The following ITPR2 variants were observed in gnomAD, a reference collection of about 807,000 sequenced individuals.
The protein encoded by ITPR2 is inositol 1,4,5-trisphosphate-gated calcium channel ITPR2.
Under a neutral mutation model 317.1 loss-of-function variants are expected in ITPR2, and 207 were observed. The ratio of observed to expected loss-of-function variants is 0.65; its 90% CI spans 0.58 to 0.73. The LOEUF (loss-of-function observed/expected upper bound fraction) is 0.73, where lower values mean the gene tolerates loss of function less well. ITPR2 is among the 30% of genes least tolerant of loss of function. The pLI, the probability that ITPR2 is intolerant of heterozygous loss-of-function variation, is 0.00. For missense variants in ITPR2, 2,613 were observed against 3,284.0 expected, an observed-to-expected ratio of 0.80 and a Z score of 4.99; for synonymous variants, 1,156 against 1,149.1, an observed-to-expected ratio of 1.01 and a Z score of -0.12.
chr12:26,650,525 T>C (rs1408576864), intron 21 of ITPR2, among the ~76,000 whole-genome samples: 2 of 152,120 alleles, frequency 1.3e-5, no homozygotes, highest in African/African-American at 4.8e-5. Context: ...ATGGGGACGC[T>C]ATGCATGTTG....
intron 22 of ITPR2, among the ~76,000 whole-genome samples, chr12:26,630,403 T>A (rs1411266287): frequency 9.7e-5 from 12 of 124,308 alleles, no homozygotes; most frequent in South Asian, 2.6e-4. Flanking sequence ...GAGAGAGAAA[T>A]GAAAAGAGAG....
chr12:26,705,822 A>T (rs1398354386), intron 9 of ITPR2, among the ~76,000 whole-genome samples: 1 of 152,194 alleles, frequency 6.6e-6, no homozygotes, highest in Non-Finnish European at 1.5e-5. Flanking sequence ...ACCATTACTG[A>T]AGCCTCTCCC....
Position 26,833,078 on chromosome 12 carries a change from G to T in ITPR2, c.-297C>A, listed in dbSNP as rs61747530. The T allele has an allele frequency of 0.082, 31,679 of 386,232 alleles. 1,646 individuals carry two copies. The highest frequency in any genetic ancestry group is 0.11 in the Admixed American group (2,148 of 19,044). 23.9% of individuals were successfully genotyped at this position (386,232 alleles called of 1,614,324 possible). On this transcript the variant is annotated 5_prime_UTR_variant, in exon 1 of 57. Transcript: ENST00000381340. ...GGCAGGTTTCCTGTTCCTTTCTGAA[G>T]TTTTCTCTCCAACACCTTTGCTCCT...
intron 2 of ITPR2, among the ~76,000 whole-genome samples, chr12:26,731,900 C>T (rs1036714620): frequency 2.0e-5 from 3 of 152,114 alleles, no homozygotes; most frequent in Non-Finnish European, 2.9e-5. Context: ...AGGTTGTTTT[C>T]GTTTTTCAGT....
intron 13 of ITPR2, among the ~76,000 whole-genome samples, chr12:26,671,572 C>G (rs1002014428): frequency 2.0e-5 from 3 of 152,170 alleles, no homozygotes; most frequent in Non-Finnish European, 4.4e-5. Flanking sequence ...AAAGGAACAA[C>G]TGGTACCAGC....
chr12:26,469,708 C>A (rs116624165), intron 45 of ITPR2, among the ~76,000 whole-genome samples: 2 of 151,902 alleles, frequency 1.3e-5, no homozygotes, highest in Non-Finnish European at 2.9e-5. Context: ...TCTGGCACAG[C>A]GCTTGGCATC....
In ITPR2 at chr12:26,412,676, GA is replaced by G. The variant is rs893686375; in HGVS notation, c.7307-1265del. Among the ~76,000 whole-genome samples the G allele has an allele frequency of 5.9e-5, 9 of 152,084 alleles. No homozygotes were observed. In the South Asian group the frequency reaches 1.7e-3, roughly 28 times the overall value. On this transcript the variant is annotated intron_variant, in intron 51 of 56. Coordinates refer to ENST00000381340, the MANE Select transcript of ITPR2 (RefSeq NM_002223.4). ...AGGAAGAAGTGAATTCTAGGAGGGG[GA>G]AAAAAACCCAGAAAGCTTTTTGGAA...
In ITPR2 at chr12:26,725,611, G is replaced by A. The variant is rs986793178; in HGVS notation, c.279+39C>T. 3.0e-6 allele frequency: 4 copies of A among 1,344,232 alleles called. No homozygotes were observed. The African/African-American group carries it at 5.7e-5, about 19-fold the overall frequency. The allele number at this position is 1,344,232 out of a possible 1,614,324, so 83.3% of individuals were successfully genotyped here. On this transcript the variant is annotated intron_variant, in intron 3 of 56. Transcript: ENST00000381340. ...ATACATTTTTATTATTGCTGTACTT[G>A]GTTAGCCTAAGCCAGACAATTGGAA...
chr12:26,443,404 T>C (rs1178582324), intron 46 of ITPR2, 139 bp downstream of exon 46: 1 of 570,416 alleles, frequency 1.8e-6, no homozygotes, highest in East Asian at 3.1e-5. Context: ...TCCTCACTCA[T>C]CCTTTTACTA....
intron 13 of ITPR2, among the ~76,000 whole-genome samples, chr12:26,672,045 TA>T (rs1327162853): frequency 1.3e-5 from 2 of 152,062 alleles, no homozygotes; most frequent in African/African-American, 4.8e-5. Flanking sequence ...CCCAGATTCA[TA>T]AAGCAAGTCC....
chr12:26,762,550 C>A (rs976027062), intron 2 of ITPR2, among the ~76,000 whole-genome samples: 1 of 152,036 alleles, frequency 6.6e-6, no homozygotes, highest in African/African-American at 2.4e-5. Flanking sequence ...ATGAGACCTG[C>A]CTAACAAGAA....
intron 9 of ITPR2, among the ~76,000 whole-genome samples, chr12:26,699,725 CCAA>C (rs1348372400): frequency 1.3e-5 from 2 of 152,052 alleles, no homozygotes; most frequent in African/African-American, 4.8e-5. Flanking sequence ...TATAAATTTA[CCAA>C]CGTTAACTAT....
At chr12:26,378,644 T>C (rs1939415602) in intron 55 of ITPR2, among the ~76,000 whole-genome samples, 1 of 152,198 alleles carries the variant, frequency 6.6e-6, no homozygotes, top group Non-Finnish European at 1.5e-5. Context: ...TCCTTCTAGT[T>C]ATAGTGTGGT....
chr12:26,541,286 C>T (rs990954373), intron 37 of ITPR2, among the ~76,000 whole-genome samples: 11 of 152,018 alleles, frequency 7.2e-5, no homozygotes, highest in Admixed American at 5.9e-4. Context: ...CATTGCACTC[C>T]AGCATGGGTG....
intron 55 of ITPR2, among the ~76,000 whole-genome samples, chr12:26,351,179 A>G (rs139256227): frequency 6.8e-4 from 104 of 152,336 alleles, no homozygotes; most frequent in African/African-American, 1.9e-3. Flanking sequence ...ACTGGTCCCA[A>G]TGCTGACCCA....
intron 32 of ITPR2, among the ~76,000 whole-genome samples, chr12:26,586,189 G>C (rs1231946086): frequency 1.3e-5 from 2 of 152,072 alleles, no homozygotes; most frequent in South Asian, 4.2e-4. Flanking sequence ...CTGTTGCCCA[G>C]GCTGGAGTGC....
intron 34 of ITPR2, among the ~76,000 whole-genome samples, chr12:26,573,750 C>T (rs1467899353): frequency 1.3e-5 from 2 of 151,998 alleles, no homozygotes; most frequent in Non-Finnish European, 2.9e-5. Flanking sequence ...GATGAGACTC[C>T]GAAAGAAGGT....
At chr12:26,708,256 A>G (rs1195741071) in intron 9 of ITPR2, among the ~76,000 whole-genome samples, 1 of 152,194 alleles carries the variant, frequency 6.6e-6, no homozygotes, top group African/African-American at 2.4e-5. Flanking sequence ...GTATACACCC[A>G]AAAGGAAGGA....
intron 9 of ITPR2, among the ~76,000 whole-genome samples, chr12:26,697,880 T>A (rs1036382987): frequency 6.6e-6 from 1 of 151,902 alleles, no homozygotes; most frequent in Non-Finnish European, 1.5e-5. Flanking sequence ...TTTCTTCATA[T>A]TTCAATATAC....
Sources: gnomAD v4.1 joint callset for allele counts (sites outside exome capture counted in the v4.1 genomes callset) on GRCh38, gnomAD v4.1.1 for gene constraint, MANE v1.5 for transcripts, NCBI Gene and HGNC (gene_info 2026-07-23, HGNC 2026-07-21) for gene names.